WRN: variants seen among roughly 807,000 people sequenced by gnomAD.
WRN encodes the protein WRN RecQ like helicase.
WRN carries 149 observed loss-of-function variants against 180.7 expected under a neutral mutation model. The observed-to-expected ratio is 0.82, with a 90% CI of 0.72 to 0.94. The LOEUF is 0.94. WRN is among the 40% of genes least tolerant of loss of function. The pLI is 0.00. For synonymous variants in WRN, 548 were observed against 568.9 expected (o/e 0.96, Z 0.52); for missense variants, 1,661 against 1,700.1 (o/e 0.98, Z 0.40).
intron 7 of WRN, among the ~76,000 whole-genome samples, chr8:31,070,594 G>T (rs1360136236): frequency 6.6e-6 from 1 of 152,096 alleles, no homozygotes; most frequent in Non-Finnish European, 1.5e-5. Flanking sequence ...ATAGATGAGT[G>T]AAGAAAGCAA....
chr8:31,104,331 A>G (rs1423708417), intron 18 of WRN, among the ~76,000 whole-genome samples: 2 of 152,148 alleles, frequency 1.3e-5, no homozygotes, highest in Non-Finnish European at 2.9e-5. Flanking sequence ...ACGTCTTTTC[A>G]TATACTAATT....
intron 8 of WRN, among the ~76,000 whole-genome samples, chr8:31,077,832 G>A: frequency 6.6e-6 from 1 of 152,290 alleles, no homozygotes; most frequent in Non-Finnish European, 1.5e-5. Flanking sequence ...CAGACTGGGT[G>A]TCCTTGGTAT....
At chr8:31,064,533 C>T in intron 4 of WRN, 99 bp downstream of exon 4, 1 of 1,499,582 alleles carries the variant, frequency 6.7e-7, no homozygotes, top group Non-Finnish European at 9.2e-7. Flanking sequence ...GCCGTTCTCT[C>T]ATTATCTCAA....
At chr8:31,099,567 TTG>T (rs1472813638) in intron 17 of WRN, among the ~76,000 whole-genome samples, 3 of 150,164 alleles carry the variant, frequency 2.0e-5, no homozygotes, top group African/African-American at 7.5e-5. Context: ...GTTTGTTTGT[TTG>T]TTTTTTTTTT....
intron 26 of WRN, 49 bp from the exon 27 acceptor site, chr8:31,142,577 G>T: frequency 1.5e-6 from 2 of 1,379,108 alleles, no homozygotes; most frequent in Non-Finnish European, 1.0e-6. Context: ...TCATGAATTA[G>T]ATACTTGCAT....
chr8:31,106,456 A>G (rs1212799562), intron 18 of WRN, among the ~76,000 whole-genome samples: 2 of 151,942 alleles, frequency 1.3e-5, no homozygotes, highest in African/African-American at 4.8e-5. Context: ...TTTCCCTCTG[A>G]TCTCATTCTC....
chr8:31,090,689 G>A (rs1044384803), intron 14 of WRN, 145 bp from the exon 15 acceptor site: 11 of 1,032,470 alleles, frequency 1.1e-5, no homozygotes, highest in Admixed American at 2.5e-5. Flanking sequence ...TCAGATTTAT[G>A]TATCAATTAG....
rs1202124319 is a variant in WRN at position 31,161,292 on chromosome 8, T to G, written c.3982+3762T>G. On this transcript the variant is annotated intron_variant, in intron 33 of 34. Transcript: ENST00000298139. ...TGTGAGAAATATAGTCATGTGTCGC[T>G]TGATGATGGGGATGAATTCTGAGAA... is the stretch of plus-strand genomic sequence containing the variant. 5.9e-5 allele frequency among the ~76,000 whole-genome samples: 9 copies of G among 152,136 alleles called. 1 individual carries two copies. Among genetic ancestry groups the G allele is most frequent in the African/African-American group, 2.2e-4 (9 of 41,434 alleles).
At chr8:31,137,864 C>T (rs996156878) in intron 24 of WRN, among the ~76,000 whole-genome samples, 11 of 151,960 alleles carry the variant, frequency 7.2e-5, no homozygotes, top group East Asian at 1.9e-4. Flanking sequence ...TTTGGGAGAC[C>T]GAGGCACGAG....
chr8:31,151,354 G>A, intron 31 of WRN, among the ~76,000 whole-genome samples: 1 of 152,114 alleles, frequency 6.6e-6, no homozygotes, highest in Non-Finnish European at 1.5e-5. Context: ...AGGCACAGTT[G>A]GATCCTACTT....
intron 30 of WRN, 29 bp from the exon 31 acceptor site, chr8:31,150,312 G>A (rs779921582): frequency 6.9e-7 from 1 of 1,448,394 alleles, no homozygotes; most frequent in Non-Finnish European, 9.7e-7. Flanking sequence ...TGACCTTTTT[G>A]TTGTTGTTGT....
At chr8:31,083,884 G>A in intron 10 of WRN, 105 bp downstream of exon 10, 1 of 1,210,832 alleles carries the variant, frequency 8.3e-7, no homozygotes, top group Non-Finnish European at 1.2e-6. Flanking sequence ...CAATGAAATT[G>A]CTACTAATTA....
intron 9 of WRN, 91 bp downstream of exon 9, chr8:31,081,387 C>A: frequency 7.3e-7 from 1 of 1,360,802 alleles, no homozygotes; most frequent in Non-Finnish European, 1.0e-6. Context: ...ATATTTTAGG[C>A]TTTGTGGGAC....
chr8:31,084,691 A>G (rs772554754), intron 10 of WRN, among the ~76,000 whole-genome samples: 22 of 152,344 alleles, frequency 1.4e-4, no homozygotes, highest in Non-Finnish European at 2.6e-4. Flanking sequence ...TTTCAATTAT[A>G]TAGAGAATGC....
intron 5 of WRN, among the ~76,000 whole-genome samples, chr8:31,065,571 TA>T (rs1812665048): frequency 1.3e-5 from 2 of 152,192 alleles, no homozygotes; most frequent in South Asian, 2.1e-4. Flanking sequence ...TGATCTTATT[TA>T]TTTTTTTTAT....
intron 2 of WRN, 51 bp downstream of exon 2, chr8:31,058,594 G>C (rs1347884272): frequency 6.4e-6 from 10 of 1,568,026 alleles, no homozygotes; most frequent in Non-Finnish European, 8.7e-6. Flanking sequence ...ATTTATATTT[G>C]ACTGTGCAAA....
chr8:31,145,330 A>G (rs1312729181), intron 28 of WRN, among the ~76,000 whole-genome samples: 5 of 152,208 alleles, frequency 3.3e-5, no homozygotes, highest in African/African-American at 1.2e-4. Flanking sequence ...CCAGTGCTCA[A>G]TTAGCATTCT....
At chr8:31,110,969 C>T (rs1374768590) in intron 18 of WRN, among the ~76,000 whole-genome samples, 1 of 152,136 alleles carries the variant, frequency 6.6e-6, no homozygotes, top group South Asian at 2.1e-4. Flanking sequence ...GCTGAGTCTC[C>T]TGCTCTGTCT....
chr8:31,149,987 C>T (rs558166484), intron 30 of WRN, among the ~76,000 whole-genome samples: 1 of 152,122 alleles, frequency 6.6e-6, no homozygotes, highest in South Asian at 2.1e-4. Flanking sequence ...CTTAGTTGTT[C>T]CCAGTTAAAG....
Sources: gnomAD v4.1 joint callset for allele counts (sites outside exome capture counted in the v4.1 genomes callset) on GRCh38, gnomAD v4.1.1 for gene constraint, MANE v1.5 for transcripts, NCBI Gene and HGNC (gene_info 2026-07-23, HGNC 2026-07-21) for gene names.